Variants in FAT1 observed in about 807,000 individuals in gnomAD.
FAT1 encodes protocadherin Fat 1.
In FAT1, 171 loss-of-function variants were observed where a neutral mutation model predicts 329.8. The observed-to-expected ratio is 0.52, with a 90% confidence interval of 0.46 to 0.59. FAT1 has a LOEUF of 0.59. Ranked by LOEUF, FAT1 falls within the 20% of genes least tolerant of loss-of-function variation. The pLI, the probability that FAT1 is intolerant of heterozygous loss-of-function variation, is 0.00. For missense variants in FAT1, 5,672 were observed against 5,774.4 expected (o/e 0.98, Z 0.57); for synonymous variants, 2,233 against 2,228.6 (o/e 1.00, Z -0.06).
At chr4:186,687,732 C>T (rs951863876) in intron 2 of FAT1, among the ~76,000 whole-genome samples, 1 of 152,206 alleles carries the variant, frequency 6.6e-6, no homozygotes, top group Non-Finnish European at 1.5e-5. Flanking sequence ...TGCTCAACTT[C>T]TATTAGTCTG....
chr4:186,619,098 T>C lies in FAT1; in HGVS notation c.7488A>G (p.Glu2496=). The C allele has an allele frequency of 6.2e-7, 1 of 1,613,992 alleles. No individual in the cohort carries two copies. ...CGTTTTCAGCTAGTTCCACTTCATATTCGTTCTGAAGGAAAGCAGGACTGT... is the reference window on the plus strand; with the variant it reads ...CGTTTTCAGCTAGTTCCACTTCATACTCGTTCTGAAGGAAAGCAGGACTGT... ...NLHSPAFLQN[E]YEVELAENAP... The change falls in exon 10 of 27, where the codon GAA becomes GAG. Residue 2496 remains glutamate, a synonymous_variant. Coordinates refer to ENST00000441802, the MANE Select transcript of FAT1 (RefSeq NM_005245.4).
Position 186,620,241 on chromosome 4 carries a change from T to C in FAT1, c.6345A>G (p.Glu2115=), listed in dbSNP as rs1383742926. Residue 2115 remains glutamate, a synonymous_variant, in exon 10 of 27, where the codon GAA becomes GAG. Coordinates refer to ENST00000441802, the MANE Select transcript of FAT1 (RefSeq NM_005245.4). ...GATGTTCCTTGAGGTAGTAATGCAC[T>C]TCCCCGTTTCTGCCACTGTCTCTGT... ...AVDRDSGRNG[E]VHYYLKEHHE... 1.2e-6 allele frequency: 2 copies of C among 1,614,024 alleles called. No individual in the cohort carries two copies. Among genetic ancestry groups the C allele is most frequent in the Non-Finnish European group, 1.7e-6 (2 of 1,179,886 alleles).
chr4:186,619,701 T>C lies in FAT1; in HGVS notation c.6885A>G (p.Ala2295=), dbSNP rs754412295. ...GAACAACAGACGTTCCAATTACAGA[T>C]GCCTCAGACAGGGTCACCGCATAAG... is the stretch of plus-strand genomic sequence containing the variant. ...QQSYAVTLSE[A]SVIGTSVVQV... The change falls in exon 10 of 27, where the codon GCA becomes GCG. Residue 2295 remains alanine (A), a synonymous_variant. Coordinates refer to ENST00000441802, the MANE Select transcript of FAT1 (RefSeq NM_005245.4). 49 of 1,613,910 alleles carry C rather than the reference T, an allele frequency of 3.0e-5. No homozygotes were observed. Among genetic ancestry groups the C allele is most frequent in the Non-Finnish European group, 3.9e-5 (46 of 1,179,902 alleles).
In FAT1 at chr4:186,618,239, T is replaced by C; in HGVS notation, c.8347A>G (p.Thr2783Ala). ...WYQFSILARCTQDDHEMVASV... is the reference protein window; with the variant it reads ...WYQFSILARCAQDDHEMVASV... The stretch of plus-strand genomic sequence containing the variant: ...GCCACCATCTCATGGTCATCTTGAG[T>C]GCACCTGGCCAGTATGGAAAACTGA... Residue 2783 changes from threonine (T) to alanine (A), a missense_variant, in exon 10 of 27, where the codon ACT (threonine) becomes GCT (alanine). Transcript: ENST00000441802. 6.2e-7 allele frequency: 1 copy of C among 1,614,042 alleles called. No individual in the cohort carries two copies. The highest frequency in any genetic ancestry group is 8.5e-7 in the Non-Finnish European group (1 of 1,179,904).
At position 186,709,376 on chromosome 4, in the gene FAT1, G is replaced by T. The variant is rs1445501218; in HGVS notation, c.452C>A (p.Pro151His). 3 of 1,613,776 alleles carry T rather than the reference G, an allele frequency of 1.9e-6. No homozygotes were observed. In the African/African-American group the frequency reaches 4.0e-5, roughly 22 times the overall value. Residue 151 changes from proline (P) to histidine (H), a missense_variant, in exon 2 of 27, where the codon CCC becomes CAC. Physicochemically the swap from Pro to His is moderately conservative, Grantham distance 77. Coordinates refer to ENST00000441802, the MANE Select transcript of FAT1 (RefSeq NM_005245.4). Reference sequence around the variant, plus strand: ...AGGTAAAGAAACGCTGTATGAGGTGGGTGAGAATAACGGTCTCAAGTCATT... The same window carrying T: ...AGGTAAAGAAACGCTGTATGAGGTGTGTGAGAATAACGGTCTCAAGTCATT... ...DTNDLRPLFSPTSYSVSLPEN... is the reference protein window; with the variant it reads ...DTNDLRPLFSHTSYSVSLPEN...
Position 186,706,429 on chromosome 4 carries a change from A to C in FAT1, c.3265+134T>G. On this transcript the variant is annotated intron_variant, in intron 2 of 26. Transcript: ENST00000441802. ...ACAATACAGCAGCCGGGCCAAAAAA[A>C]ATATTCACACGCACTTCTATACCGA... is the stretch of plus-strand genomic sequence containing the variant. 4 of 951,448 alleles carry C rather than the reference A, an allele frequency of 4.2e-6. 1 individual carries two copies. In the South Asian group the frequency reaches 5.3e-5, roughly 13 times the overall value. The allele number at this position is 951,448 out of a possible 1,614,324, so 58.9% of individuals were successfully genotyped here. A position where few individuals can be genotyped will look rare whatever the true frequency, so the allele number is the denominator to read the frequency against.
chr4:186,588,500 A>G lies in FAT1; in HGVS notation c.*92T>C. 6.8e-7 allele frequency: 1 copy of G among 1,466,250 alleles called. No homozygotes were observed. The highest frequency in any genetic ancestry group is 9.0e-7 in the Non-Finnish European group (1 of 1,105,178). 90.8% of individuals were successfully genotyped at this position (1,466,250 alleles called of 1,614,324 possible). ...GCCATGCCCATTCGGCTCACCAAAA[A>G]AAGCTTGGAAGCACTGCTGCAAAGA... On this transcript the variant is annotated 3_prime_UTR_variant, in exon 27 of 27. Transcript: ENST00000441802.
chr4:186,596,594 A>C lies in FAT1; in HGVS notation c.12946T>G (p.Ser4316Ala). The C allele has an allele frequency of 1.2e-6, 2 of 1,609,322 alleles. No homozygotes were observed. Among genetic ancestry groups the C allele is most frequent in the Non-Finnish European group, 1.7e-6 (2 of 1,177,798 alleles). The stretch of plus-strand genomic sequence containing the variant: ...TGGATGGAGTCGCTGTCAGAAGGGG[A>C]GTTTGAAGGGGGTGGGGGAGGCAGG... ...PNLPPPPPSN[S>A]PSDSDSIQKP... The change falls in exon 25 of 27, where the codon TCC becomes GCC. Residue 4316 changes from serine to alanine, a missense_variant. By Grantham distance (99) the Ser-to-Ala change is moderately conservative (BLOSUM62 1). Transcript: ENST00000441802. The surrounding 1 kb of genome is among the most constrained non-coding windows in gnomAD (Gnocchi z 4.7).
At chr4:186,705,077 T>C (rs532635919) in intron 2 of FAT1, among the ~76,000 whole-genome samples, 1 of 150,150 alleles carries the variant, frequency 6.7e-6, no homozygotes, top group African/African-American at 2.5e-5. Flanking sequence ...CCCAAGTAGC[T>C]GGGACTACAG....
chr4:186,702,159 G>C (rs370045399), intron 2 of FAT1, among the ~76,000 whole-genome samples: 1 of 152,234 alleles, frequency 6.6e-6, no homozygotes, highest in African/African-American at 2.4e-5. Flanking sequence ...ACTCTCCATC[G>C]TGTGAATGCA....
At chr4:186,644,167 C>A (rs749295592) in intron 3 of FAT1, among the ~76,000 whole-genome samples, 1 of 152,094 alleles carries the variant, frequency 6.6e-6, no homozygotes, top group Non-Finnish European at 1.5e-5. Flanking sequence ...CACCTGACTG[C>A]GTAATTTGCT....
In FAT1 at chr4:186,634,751, C is replaced by T. The variant is rs116760376; in HGVS notation, c.4184-928G>A. Among the ~76,000 whole-genome samples the T allele has an allele frequency of 5.9e-3, 895 of 152,330 alleles. 11 individuals are homozygous for T. The highest frequency in any genetic ancestry group is 0.02 in the African/African-American group (841 of 41,576). On this transcript the variant is annotated intron_variant, in intron 6 of 26. Transcript: ENST00000441802. Reference sequence around the variant, plus strand: ...AGCAGATACCTTCTGCTGTACAGGTCGGGTCACAAGTCATCTGAAAGATGT... The same window carrying T: ...AGCAGATACCTTCTGCTGTACAGGTTGGGTCACAAGTCATCTGAAAGATGT...
chr4:186,711,152 G>C (rs999795326), intron 1 of FAT1, among the ~76,000 whole-genome samples: 2 of 152,136 alleles, frequency 1.3e-5, no homozygotes, highest in Non-Finnish European at 2.9e-5. Context: ...AAATTGGTAC[G>C]ACAACATTAA....
At chr4:186,607,349 GAAT>G (rs1739193431) in intron 16 of FAT1, among the ~76,000 whole-genome samples, 2 of 152,074 alleles carry the variant, frequency 1.3e-5, no homozygotes, top group South Asian at 4.1e-4. Context: ...ATGGATGGAT[GAAT>G]GGATGGATGC....
intron 9 of FAT1, 30 bp downstream of exon 9, chr4:186,628,124 T>A: frequency 1.2e-6 from 2 of 1,602,710 alleles, no homozygotes; most frequent in Non-Finnish European, 8.5e-7. Flanking sequence ...AACTGCAAAT[T>A]TAAAATGCCA....
At chr4:186,632,180 G>C (rs1740630789) in intron 7 of FAT1, among the ~76,000 whole-genome samples, 1 of 152,196 alleles carries the variant, frequency 6.6e-6, no homozygotes, top group Non-Finnish European at 1.5e-5. Context: ...TTTAGTTGGT[G>C]CACGTGATAT....
Position 186,617,347 on chromosome 4 carries a change from CTT to C in FAT1, c.8879-148_8879-147del, listed in dbSNP as rs1425399631. On this transcript the variant is annotated intron_variant, in intron 10 of 26. Coordinates refer to ENST00000441802, the MANE Select transcript of FAT1 (RefSeq NM_005245.4). Reference sequence around the variant, plus strand: ...AAGAATTAATTTGGCATATATTAGCCTTCCAATTTACAAAAACAAGGGCAGCA... The same window carrying C: ...AAGAATTAATTTGGCATATATTAGCCCCAATTTACAAAAACAAGGGCAGCA... The C allele has an allele frequency of 1.6e-5, 10 of 635,866 alleles. No individual in the cohort carries two copies. In the East Asian group the frequency reaches 2.7e-4, roughly 17 times the overall value. 39.4% of individuals were successfully genotyped at this position (635,866 alleles called of 1,614,324 possible).
intron 1 of FAT1, among the ~76,000 whole-genome samples, chr4:186,711,292 C>T (rs1317278772): frequency 6.6e-6 from 1 of 152,118 alleles, no homozygotes; most frequent in East Asian, 1.9e-4. Context: ...AGTTGGCCAC[C>T]CTAACTTGTT....
chr4:186,644,583 G>A (rs192204064), intron 3 of FAT1, among the ~76,000 whole-genome samples: 3 of 152,274 alleles, frequency 2.0e-5, no homozygotes, highest in Admixed American at 6.5e-5. Flanking sequence ...GGCACTTGAG[G>A]AACATCATTA....
Sources: allele counts gnomAD v4.1 joint callset (sites outside exome capture counted in the v4.1 genomes callset), GRCh38; gene constraint gnomAD v4.1.1; non-coding constraint Gnocchi (gnomAD v3.1); transcripts MANE v1.5; gene names NCBI Gene and HGNC (gene_info 2026-07-23, HGNC 2026-07-21).